SVOP: variants seen among roughly 807,000 people sequenced by gnomAD.
SVOP encodes the protein SV2 related protein.
SVOP carries 17 observed loss-of-function variants against 69.1 expected under a neutral mutation model. That is an observed-to-expected ratio of 0.25 (90% CI 0.17 to 0.37). The LOEUF (loss-of-function observed/expected upper bound fraction) is 0.37. Among genes scored for constraint, SVOP ranks in the 10% least tolerant of loss-of-function variants. SVOP has a pLI of 1.00. For missense variants in SVOP, 435 were observed against 597.5 expected, an observed-to-expected ratio of 0.73 and a Z score of 2.84; for synonymous variants, 238 against 238.6, an observed-to-expected ratio of 1.00 and a Z score of 0.02.
chr12:108,935,850 C>T (rs1399801370), intron 10 of SVOP, among the ~76,000 whole-genome samples: 1 of 152,122 alleles, frequency 6.6e-6, no homozygotes, highest in East Asian at 1.9e-4. Flanking sequence ...CCTTCTGTCT[C>T]CACTCCCTTC....
chr12:108,957,128 G>A (rs144237242), intron 6 of SVOP, among the ~76,000 whole-genome samples: 20,282 of 152,104 alleles, frequency 0.13, 1,564 homozygotes, highest in East Asian at 0.31. Context: ...GGCTCCCAGG[G>A]AGGGAAAGCT....
chr12:108,927,576 ACT>A (rs1318775125), intron 11 of SVOP, among the ~76,000 whole-genome samples: 18 of 131,710 alleles, frequency 1.4e-4, no homozygotes, highest in African/African-American at 2.2e-4. Context: ...AATGACAAAG[ACT>A]CTCTCTCTCT....
intron 11 of SVOP, among the ~76,000 whole-genome samples, chr12:108,931,780 G>A (rs903978225): frequency 1.4e-4 from 21 of 151,464 alleles, no homozygotes; most frequent in Admixed American, 1.4e-3. Context: ...CTTGCAGTGA[G>A]CCGAGATTGC....
rs530174932 is a variant in SVOP at position 108,918,340 on chromosome 12, G to T, written c.1269-216C>A. ...CATTCCTCAAAGTAACAGGCTGAGAGATGGGAACACCTGTGGTGCCCAGGA... is the reference window on the plus strand; with the variant it reads ...CATTCCTCAAAGTAACAGGCTGAGATATGGGAACACCTGTGGTGCCCAGGA... On this transcript the variant is annotated intron_variant, in intron 13 of 15. Transcript: ENST00000610966. Among the ~76,000 whole-genome samples the T allele has an allele frequency of 7.3e-4, 111 of 152,348 alleles. 1 individual carries two copies. The highest frequency in any genetic ancestry group is 3.7e-3 in the South Asian group (18 of 4,834).
intron 1 of SVOP, among the ~76,000 whole-genome samples, chr12:108,988,190 G>A (rs921178155): frequency 2.0e-4 from 30 of 152,236 alleles, no homozygotes; most frequent in African/African-American, 7.2e-4. Context: ...CTCCCAAAGT[G>A]CTGGGATTAC....
intron 1 of SVOP, among the ~76,000 whole-genome samples, chr12:109,009,210 C>T (rs1413740654): frequency 1.3e-5 from 2 of 151,930 alleles, no homozygotes; most frequent in Non-Finnish European, 2.9e-5. Flanking sequence ...AATCAGCCCG[C>T]CTTGGCCTCC....
chr12:108,912,605 C>A lies in SVOP; in HGVS notation c.1577G>T (p.Gly526Val), dbSNP rs756264557. Residue 526 changes from glycine to valine, a missense_variant, in exon 16 of 16, where the codon GGC (glycine) becomes GTC (valine). Coordinates refer to ENST00000610966, the MANE Select transcript of SVOP (RefSeq NM_018711.5). ...GLQESSHREW[G>V]QEMVGRGMHG... ...CATTCCTCGGCCGACCATCTCCTGG[C>A]CCCACTCCCGGTGGCTGGACTCCTG... The A allele has an allele frequency of 1.2e-6, 2 of 1,613,908 alleles. No homozygotes were observed. The highest frequency in any genetic ancestry group is 2.2e-5 in the South Asian group (2 of 91,088).
chr12:108,945,303 T>C, intron 6 of SVOP, 137 bp from the exon 7 acceptor site: 1 of 796,998 alleles, frequency 1.3e-6, no homozygotes, highest in South Asian at 1.6e-5. Context: ...CCTGAGATGA[T>C]GTTGGTTAAA....
chr12:108,945,511 C>G (rs900076179), intron 6 of SVOP, among the ~76,000 whole-genome samples: 3 of 152,108 alleles, frequency 2.0e-5, no homozygotes, highest in African/African-American at 7.2e-5. Flanking sequence ...CCTGCCTCAG[C>G]CTCCAGAGTA....
chr12:108,982,768 CAT>C (rs1593198955), intron 2 of SVOP, among the ~76,000 whole-genome samples: 1,913 of 84,138 alleles, frequency 0.023, 11 homozygotes, highest in Middle Eastern at 0.056. Context: ...CTATCATCAA[CAT>C]CACCACCATC....
At chr12:108,984,513 T>C (rs2040157326) in intron 1 of SVOP, among the ~76,000 whole-genome samples, 1 of 152,122 alleles carries the variant, frequency 6.6e-6, no homozygotes, top group South Asian at 2.1e-4. Flanking sequence ...ACTGTCTCAT[T>C]ATCTCCAGCC....
At chr12:108,958,570 C>T (rs1204563991) in intron 6 of SVOP, among the ~76,000 whole-genome samples, 1 of 152,056 alleles carries the variant, frequency 6.6e-6, no homozygotes, top group East Asian at 1.9e-4. Context: ...AACACATCCC[C>T]ATCATTAAGT....
At chr12:108,992,498 A>G (rs187002203) in intron 1 of SVOP, among the ~76,000 whole-genome samples, 22 of 152,270 alleles carry the variant, frequency 1.4e-4, no homozygotes, top group Admixed American at 1.2e-3. Flanking sequence ...CTATGATCAC[A>G]CCACTGCACT....
chr12:108,968,367 C>G (rs2040058884), intron 5 of SVOP, among the ~76,000 whole-genome samples: 1 of 152,226 alleles, frequency 6.6e-6, no homozygotes, highest in African/African-American at 2.4e-5. Context: ...AATCACAGCA[C>G]TATCCCACTG....
At chr12:108,998,933 A>C (rs1025023389) in intron 1 of SVOP, among the ~76,000 whole-genome samples, 4 of 151,462 alleles carry the variant, frequency 2.6e-5, no homozygotes, top group Admixed American at 2.0e-4. Context: ...CTAACATCAT[A>C]ATGACAGGAT....
At position 108,993,169 on chromosome 12, in the gene SVOP, G is replaced by A. The variant is rs752755235; in HGVS notation, c.36-9408C>T. Among the ~76,000 whole-genome samples the A allele has an allele frequency of 4.5e-4, 69 of 151,924 alleles. 2 individuals carry two copies. Among genetic ancestry groups the A allele is most frequent in the Admixed American group, 1.8e-3 (28 of 15,238 alleles). On this transcript the variant is annotated intron_variant, in intron 1 of 15. Transcript: ENST00000610966. ...ATTACAGGCACGCACCACCACGCCCGGCTAACTTTTGCACTTTTAGTAGAG... is the reference window on the plus strand; with the variant it reads ...ATTACAGGCACGCACCACCACGCCCAGCTAACTTTTGCACTTTTAGTAGAG...
intron 6 of SVOP, among the ~76,000 whole-genome samples, chr12:108,949,175 C>T (rs2039940473): frequency 6.6e-6 from 1 of 152,102 alleles, no homozygotes; most frequent in Non-Finnish European, 1.5e-5. Flanking sequence ...CATAAGCATG[C>T]AGAGTATATG....
chr12:109,009,541 T>TAG (rs1443628179), intron 1 of SVOP, among the ~76,000 whole-genome samples: 1 of 151,696 alleles, frequency 6.6e-6, no homozygotes, highest in African/African-American at 2.4e-5. Flanking sequence ...GCCTCCCGAG[T>TAG]AGCTGGGATT....
chr12:108,921,447 G>T (rs550919465), intron 12 of SVOP, among the ~76,000 whole-genome samples: 99 of 152,286 alleles, frequency 6.5e-4, no homozygotes, highest in African/African-American at 2.4e-3. Context: ...CAGCAGGAGA[G>T]TGGGGAAGTA....
Sources: allele counts gnomAD v4.1 joint callset (sites outside exome capture counted in the v4.1 genomes callset), GRCh38; gene constraint gnomAD v4.1.1; transcripts MANE v1.5; gene names NCBI Gene and HGNC (gene_info 2026-07-23, HGNC 2026-07-21).